The following CORO2B variants were observed in gnomAD, a reference collection of about 807,000 sequenced individuals.
The protein encoded by CORO2B is coronin 2B.
A neutral mutation model predicts 58.8 loss-of-function variants in CORO2B; 26 were observed. The observed-to-expected ratio is 0.44, with a 90% CI of 0.32 to 0.61. CORO2B has a LOEUF of 0.61. Ranked by LOEUF, CORO2B falls within the 20% of genes least tolerant of loss-of-function variation. The pLI is 0.04. For missense variants in CORO2B, 460 were observed against 645.1 expected (o/e 0.71, Z 3.11); for synonymous variants, 242 against 253.8 (o/e 0.95, Z 0.44).
chr15:68,690,646 CTTTTTTT>C (rs765999578), intron 2 of CORO2B, among the ~76,000 whole-genome samples: 1 of 102,876 alleles, frequency 9.7e-6, no homozygotes, highest in Admixed American at 9.7e-5. Context: ...CGTTAGCTTT[CTTTTTTT>C]TTTTTTTTTT....
intron 2 of CORO2B, among the ~76,000 whole-genome samples, chr15:68,684,179 A>G (rs1376518138): frequency 1.3e-5 from 2 of 152,224 alleles, no homozygotes; most frequent in Non-Finnish European, 2.9e-5. Flanking sequence ...TTGACTCAAA[A>G]TAGATGTCCT....
At chr15:68,590,579 C>G (rs1184868959) in intron 1 of CORO2B, among the ~76,000 whole-genome samples, 1 of 152,096 alleles carries the variant, frequency 6.6e-6, no homozygotes, top group Non-Finnish European at 1.5e-5. Context: ...GAGGGTGCTG[C>G]GGGGCCGCTG....
At chr15:68,654,114 G>A (rs1426695501) in intron 2 of CORO2B, among the ~76,000 whole-genome samples, 1 of 152,224 alleles carries the variant, frequency 6.6e-6, no homozygotes, top group East Asian at 1.9e-4. Flanking sequence ...TATTTCATTT[G>A]TCTGAGGCTC....
At chr15:68,704,740 T>G (rs1892741846) in intron 3 of CORO2B, among the ~76,000 whole-genome samples, 1 of 152,164 alleles carries the variant, frequency 6.6e-6, no homozygotes, top group Non-Finnish European at 1.5e-5. Context: ...GGGTATGTTC[T>G]GTTGGGTTGA....
the CORO2B span, among the ~76,000 whole-genome samples, chr15:68,566,109 G>T: frequency 1.3e-5 from 2 of 152,218 alleles, no homozygotes; most frequent in African/African-American, 4.8e-5. Context: ...AGGAGAAGGG[G>T]TTGGGGAGAA....
chr15:68,675,526 C>A (rs1354975947), intron 2 of CORO2B, among the ~76,000 whole-genome samples: 1 of 152,098 alleles, frequency 6.6e-6, no homozygotes, highest in African/African-American at 2.4e-5. Flanking sequence ...TGAGCTTTGC[C>A]ACTTAGTTGC....
chr15:68,713,414 C>T (rs1445265862), intron 5 of CORO2B, among the ~76,000 whole-genome samples: 1 of 152,222 alleles, frequency 6.6e-6, no homozygotes, highest in East Asian at 1.9e-4. Context: ...GCCATTGCTG[C>T]ACAGTGCTTA....
intron 2 of CORO2B, among the ~76,000 whole-genome samples, chr15:68,674,344 C>T (rs1902502699): frequency 1.3e-5 from 2 of 152,274 alleles, no homozygotes; most frequent in Admixed American, 6.5e-5. Context: ...CACATGTGCC[C>T]GGAAGACAGA....
intron 2 of CORO2B, among the ~76,000 whole-genome samples, chr15:68,687,575 C>T (rs759185825): frequency 6.6e-6 from 1 of 152,250 alleles, no homozygotes; most frequent in Non-Finnish European, 1.5e-5. Flanking sequence ...ATGCCACACA[C>T]ACACACTGAA....
intron 3 of CORO2B, among the ~76,000 whole-genome samples, chr15:68,703,150 CTTTTTTTTTT>C (rs57404468): frequency 1.0e-5 from 1 of 100,148 alleles, no homozygotes; most frequent in Non-Finnish European, 2.0e-5. Context: ...TTCTTTTTTT[CTTTTTTTTTT>C]TTTTTTTTTG....
rs149085455 is a variant in CORO2B at position 68,592,728 on chromosome 15, A to G, written c.15+13451A>G. ...CAGAGATGGAGAGGCTGGTCTGTGT[A>G]CTGTACAGTATGTACGGAATGTACA... On this transcript the variant is annotated intron_variant, in intron 1 of 11. Coordinates refer to ENST00000261861, the MANE Select transcript of CORO2B (RefSeq NM_006091.5). Among the ~76,000 whole-genome samples the G allele has an allele frequency of 1.4e-4, 21 of 152,284 alleles. No homozygotes were observed. The East Asian group carries it at 3.3e-3, about 24-fold the overall frequency.
the CORO2B span, among the ~76,000 whole-genome samples, chr15:68,561,889 G>T: frequency 2.0e-5 from 3 of 152,140 alleles, no homozygotes; most frequent in African/African-American, 7.2e-5. Flanking sequence ...TAGTAAAGGG[G>T]TGCCTGTGAG....
the CORO2B span, among the ~76,000 whole-genome samples, chr15:68,548,174 A>AAAATAT: frequency 2.7e-5 from 4 of 146,290 alleles, no homozygotes; most frequent in Non-Finnish European, 6.0e-5. Context: ...CCATCTTAAA[A>AAAATAT]ATATATATAT....
chr15:68,653,985 T>A (rs1453671228), intron 2 of CORO2B, among the ~76,000 whole-genome samples: 3 of 152,202 alleles, frequency 2.0e-5, no homozygotes, highest in Admixed American at 6.5e-5. Flanking sequence ...TCTTTGTTCT[T>A]CAAGCTGCCT....
intron 1 of CORO2B, among the ~76,000 whole-genome samples, chr15:68,603,936 A>G (rs755538302): frequency 3.3e-5 from 5 of 152,184 alleles, no homozygotes; most frequent in Non-Finnish European, 5.9e-5. Context: ...GCCATGTTGT[A>G]GAATTCAGAA....
intron 11 of CORO2B, among the ~76,000 whole-genome samples, chr15:68,725,347 C>T (rs767603047): frequency 5.9e-5 from 9 of 151,778 alleles, no homozygotes; most frequent in South Asian, 4.2e-4. Context: ...ACAGCCTGGG[C>T]GACAAAGCGA....
the CORO2B span, among the ~76,000 whole-genome samples, chr15:68,570,447 T>G: frequency 6.6e-6 from 1 of 152,230 alleles, no homozygotes; most frequent in East Asian, 1.9e-4. Context: ...ACTGTGGATC[T>G]TGATCATGAA....
intron 2 of CORO2B, among the ~76,000 whole-genome samples, chr15:68,682,989 A>G (rs556836716): frequency 2.3e-4 from 35 of 152,274 alleles, no homozygotes; most frequent in African/African-American, 8.4e-4. Flanking sequence ...TGGCGAACAG[A>G]AGGAGGGGTT....
chr15:68,520,231 C>A, the CORO2B span, among the ~76,000 whole-genome samples: 1 of 152,142 alleles, frequency 6.6e-6, no homozygotes, highest in Admixed American at 6.5e-5. Flanking sequence ...CACTTGAATG[C>A]GTTTTCTATG....
Sources: gnomAD v4.1 joint callset for allele counts (sites outside exome capture counted in the v4.1 genomes callset) on GRCh38, gnomAD v4.1.1 for gene constraint, MANE v1.5 for transcripts, NCBI Gene and HGNC (gene_info 2026-07-23, HGNC 2026-07-21) for gene names.